Variants in MYO9A observed in about 807,000 individuals in gnomAD.
MYO9A encodes unconventional myosin-IXa.
A neutral mutation model predicts 293.3 loss-of-function variants in MYO9A; 103 were observed. The observed-to-expected ratio is 0.35, with a 90% confidence interval of 0.30 to 0.41. The LOEUF (loss-of-function observed/expected upper bound fraction) is 0.41. Ranked by LOEUF, MYO9A falls within the 10% of genes least tolerant of loss-of-function variation. The pLI is 1.00. For missense variants in MYO9A, 2,685 were observed against 3,033.0 expected (o/e 0.89, Z 2.69); for synonymous variants, 1,001 against 1,035.7 (o/e 0.97, Z 0.64).
intron 2 of MYO9A, chr15:72,041,097 T>C (rs1596453127): frequency 4.0e-6 from 2 of 500,640 alleles, no homozygotes; most frequent in East Asian, 1.1e-4. Flanking sequence ...ATACAAAAAT[T>C]AGCCAGGTGT....
chr15:71,828,084 A>C, intron 40 of MYO9A, 58 bp from the exon 41 acceptor site: 1 of 1,548,450 alleles, frequency 6.5e-7, no homozygotes, highest in South Asian at 1.2e-5. Flanking sequence ...GGAAGATAAC[A>C]GAAAAAAAGA....
chr15:72,014,555 G>A (rs571727131), intron 6 of MYO9A, among the ~76,000 whole-genome samples: 4 of 152,064 alleles, frequency 2.6e-5, no homozygotes, highest in South Asian at 2.1e-4. Flanking sequence ...GCGTGGTGCC[G>A]GGCACCTGTA....
rs138043851 is a variant in MYO9A, at chr15:71,883,692, C to T, written c.5300G>A (p.Gly1767Glu). ...KMRFWAKGKQ[G>E]EKKTTRVKPT... Reference sequence around the variant, plus strand: ...TTTCACTCTGGTAGTCTTCTTCTCCCCTTGTTTCCCTTTGGCCCAGAATCT... The same window carrying T: ...TTTCACTCTGGTAGTCTTCTTCTCCTCTTGTTTCCCTTTGGCCCAGAATCT... The change falls in exon 28 of 42, where the codon GGG becomes GAG. Residue 1767 changes from glycine (G) to glutamate (E), a missense_variant. Physicochemically the swap from Gly to Glu is moderately conservative, Grantham distance 98 (BLOSUM62 -2). Coordinates refer to ENST00000356056, the MANE Select transcript of MYO9A (RefSeq NM_006901.4). 199 of 1,613,386 alleles carry T rather than the reference C, an allele frequency of 1.2e-4. 1 individual carries two copies. The African/African-American group carries it at 2.2e-3, about 18-fold the overall frequency.
At chr15:72,108,047 C>T (rs955796905) in intron 1 of MYO9A, among the ~76,000 whole-genome samples, 7 of 152,192 alleles carry the variant, frequency 4.6e-5, no homozygotes, top group Middle Eastern at 3.4e-3. Flanking sequence ...TTAGAAAAAT[C>T]GCCATTTTGC....
intron 32 of MYO9A, among the ~76,000 whole-genome samples, chr15:71,873,399 A>T (rs1465760382): frequency 1.3e-5 from 2 of 152,172 alleles, no homozygotes; most frequent in Non-Finnish European, 2.9e-5. Context: ...CGTGCATGTC[A>T]GCATGTTACT....
intron 22 of MYO9A, among the ~76,000 whole-genome samples, chr15:71,902,503 G>A (rs1427295023): frequency 6.6e-6 from 1 of 151,992 alleles, no homozygotes; most frequent in Non-Finnish European, 1.5e-5. Flanking sequence ...AACAGAAAGC[G>A]ATGTAAGAAT....
intron 1 of MYO9A, among the ~76,000 whole-genome samples, chr15:72,064,084 C>T (rs1331971702): frequency 6.6e-6 from 1 of 152,150 alleles, no homozygotes; most frequent in African/African-American, 2.4e-5. Flanking sequence ...TGCATTATCT[C>T]ATTCATTTGT....
At chr15:71,830,794 G>A (rs1397993083) in intron 39 of MYO9A, among the ~76,000 whole-genome samples, 1 of 152,076 alleles carries the variant, frequency 6.6e-6, no homozygotes, top group Non-Finnish European at 1.5e-5. Flanking sequence ...CTCTATAACT[G>A]TAGCCTTGGA....
At chr15:71,876,558 C>G (rs2056698798) in intron 31 of MYO9A, among the ~76,000 whole-genome samples, 1 of 151,266 alleles carries the variant, frequency 6.6e-6, no homozygotes, top group Non-Finnish European at 1.5e-5. Context: ...GTCTCAGCCT[C>G]CCAAGTAGCT....
At chr15:72,016,184 C>T (rs981346054) in intron 6 of MYO9A, among the ~76,000 whole-genome samples, 4 of 151,992 alleles carry the variant, frequency 2.6e-5, no homozygotes, top group African/African-American at 9.7e-5. Context: ...ATGTCAGTCA[C>T]CATGAGTTAC....
chr15:71,856,354 A>G (rs999801413), intron 34 of MYO9A, among the ~76,000 whole-genome samples: 1 of 152,050 alleles, frequency 6.6e-6, no homozygotes, highest in Admixed American at 6.6e-5. Context: ...TAGTGTGTGG[A>G]GATAAGTAAA....
chr15:72,074,951 CTTTTT>C (rs750462703), intron 1 of MYO9A, among the ~76,000 whole-genome samples: 15 of 53,128 alleles, frequency 2.8e-4, no homozygotes, highest in South Asian at 1.1e-3. Context: ...TTTTCACTGC[CTTTTT>C]TTTTTTTTTT....
intron 34 of MYO9A, among the ~76,000 whole-genome samples, chr15:71,857,781 C>T (rs561707677): frequency 8.5e-5 from 13 of 152,096 alleles, no homozygotes; most frequent in Admixed American, 3.3e-4. Context: ...TAAAGAGCTT[C>T]TACACAGCAA....
At chr15:71,884,440 T>C (rs1567228712) in intron 27 of MYO9A, among the ~76,000 whole-genome samples, 1 of 152,202 alleles carries the variant, frequency 6.6e-6, no homozygotes, top group Non-Finnish European at 1.5e-5. Context: ...ACTTTGCTTT[T>C]TTCTTTTTTC....
chr15:72,067,005 C>A (rs1376264645), intron 1 of MYO9A, among the ~76,000 whole-genome samples: 1 of 149,264 alleles, frequency 6.7e-6, no homozygotes, highest in African/African-American at 2.4e-5. Context: ...ATACTGCAAT[C>A]ATTACATTAT....
intron 36 of MYO9A, among the ~76,000 whole-genome samples, chr15:71,851,890 G>T (rs1281329089): frequency 6.6e-6 from 1 of 151,946 alleles, no homozygotes; most frequent in Non-Finnish European, 1.5e-5. Context: ...CCATTTCTTT[G>T]TAAGAAGCAA....
At chr15:72,116,205 T>G (rs1189388970) in intron 1 of MYO9A, among the ~76,000 whole-genome samples, 1 of 152,240 alleles carries the variant, frequency 6.6e-6, no homozygotes, top group Non-Finnish European at 1.5e-5. Context: ...TTTTACTACA[T>G]TACTCTTCCG....
intron 1 of MYO9A, among the ~76,000 whole-genome samples, chr15:72,105,159 CT>C (rs1384646819): frequency 6.6e-6 from 1 of 152,210 alleles, no homozygotes; most frequent in Non-Finnish European, 1.5e-5. Context: ...CTACAAGACT[CT>C]TCTGGAAAAA....
rs2076189901 is a variant in MYO9A, at chr15:71,978,191, A to T, written c.1824T>A (p.His608Gln). 1.2e-6 allele frequency: 2 copies of T among 1,612,266 alleles called. No homozygotes were observed. Among genetic ancestry groups the T allele is most frequent in the East Asian group, 2.2e-5 (1 of 44,718 alleles). Residue 608 changes from histidine to glutamine, a missense_variant, in exon 12 of 42, where the codon CAT becomes CAA. His to Gln is a conservative substitution (Grantham distance 24). This residue lies in a region of MYO9A where 201 missense variants were observed against 245.2 expected (regional missense o/e 0.82). Transcript: ENST00000356056. ...LISKKPTGLL[H>Q]LLDEESNFPQ... Reference sequence around the variant, plus strand: ...CTCACTTGCTTTCTTCATCCAAAAGATGAAGCAGTCCTGTTGGTTTTTTGC... The same window carrying T: ...CTCACTTGCTTTCTTCATCCAAAAGTTGAAGCAGTCCTGTTGGTTTTTTGC...
Sources: gnomAD v4.1 joint callset for allele counts (sites outside exome capture counted in the v4.1 genomes callset) on GRCh38, gnomAD v4.1.1 for gene constraint, gnomAD v4.1.1 regional missense constraint, MANE v1.5 for transcripts, NCBI Gene and HGNC (gene_info 2026-07-23, HGNC 2026-07-21) for gene names.